Variants in SEPTIN11 observed in about 807,000 individuals in gnomAD.
The protein encoded by SEPTIN11 is septin 11.
Under a neutral mutation model 51.4 loss-of-function variants are expected in SEPTIN11, and 25 were observed. The ratio of observed to expected loss-of-function variants is 0.49; its 90% confidence interval spans 0.35 to 0.68. The LOEUF is 0.68. Among genes scored for constraint, SEPTIN11 ranks in the 30% least tolerant of loss-of-function variants. The pLI is 0.00. For missense variants in SEPTIN11, 381 were observed against 520.8 expected (o/e 0.73, Z 2.61); for synonymous variants, 174 against 184.1 (o/e 0.95, Z 0.44).
At chr4:77,019,096 T>TA in intron 5 of SEPTIN11, 69 bp from the exon 6 acceptor site, 3 of 1,415,860 alleles carry the variant, frequency 2.1e-6, no homozygotes, top group Admixed American at 2.0e-5. Flanking sequence ...AGGGAGAAGA[T>TA]AGAGACTGGT....
At chr4:77,039,230 G>T, downstream of SEPTIN11, 1 of 1,231,770 alleles carries the variant, frequency 8.1e-7, no homozygotes. Flanking sequence ...GTCAAATATT[G>T]CACTGCTGTT....
At chr4:77,013,888 C>T (rs763947055) in intron 4 of SEPTIN11, among the ~76,000 whole-genome samples, 3 of 152,112 alleles carry the variant, frequency 2.0e-5, no homozygotes, top group East Asian at 1.9e-4. Flanking sequence ...TTCTATATAT[C>T]GGATGTCAGT....
chr4:76,986,592 A>G lies in SEPTIN11; in HGVS notation c.28-9833A>G, dbSNP rs147689694. On this transcript the variant is annotated intron_variant, in intron 1 of 9. Coordinates refer to ENST00000264893, the MANE Select transcript of SEPTIN11 (RefSeq NM_018243.4). ...ATACCCTAGGTCACACAGCTAAACTATGAAAGAGGTGCTCTTGTCTTGACT... is the reference window on the plus strand; with the variant it reads ...ATACCCTAGGTCACACAGCTAAACTGTGAAAGAGGTGCTCTTGTCTTGACT... Among the ~76,000 whole-genome samples the G allele has an allele frequency of 8.2e-4, 125 of 152,340 alleles. 1 individual carries two copies. The highest frequency in any genetic ancestry group is 3.4e-3 in the Middle Eastern group (1 of 294).
At chr4:76,983,806 A>G in intron 1 of SEPTIN11, among the ~76,000 whole-genome samples, 1 of 152,150 alleles carries the variant, frequency 6.6e-6, no homozygotes, top group East Asian at 1.9e-4. Flanking sequence ...TCAGGAGTTC[A>G]AAACCAGCCT....
In SEPTIN11 at chr4:76,992,616, C is replaced by T. The variant is rs571209806; in HGVS notation, c.28-3809C>T. 2.6e-5 allele frequency among the ~76,000 whole-genome samples: 4 copies of T among 152,320 alleles called. No individual in the cohort carries two copies. In the South Asian group the frequency reaches 8.3e-4, roughly 32 times the overall value. The stretch of plus-strand genomic sequence containing the variant: ...GAGAGAAATTAGGGCTTTTCTGGAG[C>T]ATTGGAAGGGATAAATGTTAGCTGT... On this transcript the variant is annotated intron_variant, in intron 1 of 9. Transcript: ENST00000264893.
chr4:77,020,411 T>A (rs967090364), intron 6 of SEPTIN11, 91 bp from the exon 7 acceptor site: 3 of 1,461,212 alleles, frequency 2.1e-6, no homozygotes, highest in Non-Finnish European at 2.8e-6. Flanking sequence ...ATTTCAGGAG[T>A]GATGGTAATA....
intron 1 of SEPTIN11, among the ~76,000 whole-genome samples, chr4:76,953,366 A>C (rs1721424008): frequency 6.6e-6 from 1 of 152,238 alleles, no homozygotes; most frequent in South Asian, 2.1e-4. Flanking sequence ...AAAAGGAATT[A>C]TATGCCTATT....
intron 1 of SEPTIN11, among the ~76,000 whole-genome samples, chr4:76,959,450 A>G (rs1487910285): frequency 1.3e-5 from 2 of 151,922 alleles, no homozygotes; most frequent in Non-Finnish European, 2.9e-5. Context: ...AAAAATTTGT[A>G]TCGCATCACC....
At chr4:76,955,505 G>A (rs1721522698) in intron 1 of SEPTIN11, among the ~76,000 whole-genome samples, 1 of 152,224 alleles carries the variant, frequency 6.6e-6, no homozygotes, top group Non-Finnish European at 1.5e-5. Context: ...GAGGAGGTGG[G>A]AAGAGACTCA....
intron 2 of SEPTIN11, among the ~76,000 whole-genome samples, chr4:76,997,572 A>C (rs936683272): frequency 6.6e-6 from 1 of 152,188 alleles, no homozygotes; most frequent in Non-Finnish European, 1.5e-5. Context: ...GGCACGCTAC[A>C]CCAACTTGCT....
Position 77,028,750 on chromosome 4 carries a change from G to A in SEPTIN11, c.1075G>A (p.Ala359Thr). Residue 359 changes from alanine to threonine, a missense_variant, in exon 8 of 10, where the codon GCA becomes ACA. This residue lies in a region of SEPTIN11 where 197 missense variants were observed against 313.1 expected (regional missense o/e 0.63). Transcript: ENST00000264893. The part of the protein sequence containing the change: ...VKEKEAELKE[A>T]EKELHEKFDL... ...GGAGAAAGAAGCTGAACTTAAGGAG[G>A]CAGAGAAAGAGGTAAGCCATCTGTC... The A allele has an allele frequency of 6.2e-7, 1 of 1,612,026 alleles. No individual in the cohort carries two copies. Among genetic ancestry groups the A allele is most frequent in the South Asian group, 1.1e-5 (1 of 90,466 alleles).
At chr4:76,966,462 G>A (rs955177853) in intron 1 of SEPTIN11, among the ~76,000 whole-genome samples, 1 of 151,580 alleles carries the variant, frequency 6.6e-6, no homozygotes, top group Non-Finnish European at 1.5e-5. Context: ...GATGAGTATA[G>A]CTGACTTTTT....
At chr4:76,998,137 C>T (rs1723861556) in intron 2 of SEPTIN11, among the ~76,000 whole-genome samples, 1 of 152,152 alleles carries the variant, frequency 6.6e-6, no homozygotes, top group South Asian at 2.1e-4. Context: ...TATTTGGAGT[C>T]TCCTGGGTGG....
At chr4:76,953,282 G>A (rs974503732) in intron 1 of SEPTIN11, among the ~76,000 whole-genome samples, 1 of 152,156 alleles carries the variant, frequency 6.6e-6, no homozygotes, top group African/African-American at 2.4e-5. Context: ...TTCTTACCAG[G>A]AGCTTTATTG....
At chr4:76,982,755 A>G (rs1722830598) in intron 1 of SEPTIN11, among the ~76,000 whole-genome samples, 1 of 152,158 alleles carries the variant, frequency 6.6e-6, no homozygotes, top group South Asian at 2.1e-4. Context: ...ACAACACCTA[A>G]ACATTTGCAG....
intron 2 of SEPTIN11, among the ~76,000 whole-genome samples, chr4:77,004,937 T>TG: frequency 6.6e-6 from 1 of 152,128 alleles, no homozygotes. Context: ...TACTCCAGCC[T>TG]GGGGGACAGA....
In SEPTIN11 at chr4:77,037,325, G is replaced by A; in HGVS notation, c.*2813G>A. 1.1e-6 allele frequency: 1 copy of A among 946,116 alleles called. No individual in the cohort carries two copies. Among genetic ancestry groups the A allele is most frequent in the African/African-American group, 1.8e-5 (1 of 56,310 alleles). 58.6% of individuals were successfully genotyped at this position (946,116 alleles called of 1,614,324 possible). On this transcript the variant is annotated 3_prime_UTR_variant, in exon 10 of 10. Coordinates refer to ENST00000264893, the MANE Select transcript of SEPTIN11 (RefSeq NM_018243.4). ...TGCAGTGAGCCAAGATTGCACCACT[G>A]CATTCCAACCTGGGTGATGAAGTGA...
chr4:77,035,060 A>G lies in SEPTIN11; in HGVS notation c.*548A>G, dbSNP rs535288316. On this transcript the variant is annotated 3_prime_UTR_variant, in exon 10 of 10. Coordinates refer to ENST00000264893, the MANE Select transcript of SEPTIN11 (RefSeq NM_018243.4). ...TATTTTATTTTTACCCTTGCATGACATTTTCATTTTAATCAATAACATTAT... is the reference window on the plus strand; with the variant it reads ...TATTTTATTTTTACCCTTGCATGACGTTTTCATTTTAATCAATAACATTAT... 5.1e-6 allele frequency: 5 copies of G among 985,408 alleles called. No homozygotes were observed. Among genetic ancestry groups the G allele is most frequent in the East Asian group, 2.3e-4 (2 of 8,806 alleles). The allele number at this position is 985,408 out of a possible 1,614,324, so 61.0% of individuals were successfully genotyped here.
At chr4:76,976,082 G>A (rs1722486752) in intron 1 of SEPTIN11, among the ~76,000 whole-genome samples, 1 of 152,144 alleles carries the variant, frequency 6.6e-6, no homozygotes, top group African/African-American at 2.4e-5. Context: ...GGGTATGTGA[G>A]TGTTTGTTCT....
Sources: gnomAD v4.1 joint callset for allele counts (sites outside exome capture counted in the v4.1 genomes callset) on GRCh38, gnomAD v4.1.1 for gene constraint, gnomAD v4.1.1 regional missense constraint, MANE v1.5 for transcripts, NCBI Gene and HGNC (gene_info 2026-07-23, HGNC 2026-07-21) for gene names.